Variants in ABRAXAS2 observed in about 807,000 individuals in gnomAD.
ABRAXAS2 encodes abraxas 2, BRISC complex subunit.
In ABRAXAS2, 23 loss-of-function variants were observed where a neutral mutation model predicts 49.0. That is an observed-to-expected ratio of 0.47 (90% CI 0.34 to 0.66). ABRAXAS2 has a LOEUF of 0.66. Ranked by LOEUF, ABRAXAS2 falls within the 30% of genes least tolerant of loss-of-function variation. ABRAXAS2 has a pLI of 0.01. For missense variants in ABRAXAS2, 443 were observed against 511.9 expected (o/e 0.87, Z 1.30); for synonymous variants, 168 against 180.2 (o/e 0.93, Z 0.54).
intron 2 of ABRAXAS2, among the ~76,000 whole-genome samples, chr10:124,810,907 C>T (rs553483264): frequency 1.3e-5 from 2 of 149,670 alleles, no homozygotes; most frequent in Non-Finnish European, 3.0e-5. Context: ...TTTTTCTTTT[C>T]GTTTTGCTTA....
At chr10:124,803,700 A>G (rs1370109384) in intron 1 of ABRAXAS2, among the ~76,000 whole-genome samples, 2 of 152,156 alleles carry the variant, frequency 1.3e-5, no homozygotes, top group Admixed American at 1.3e-4. Context: ...TCAGGAGTTC[A>G]AGACCAGCCT....
chr10:124,824,343 C>G (rs1376733987), intron 4 of ABRAXAS2, among the ~76,000 whole-genome samples: 2 of 152,138 alleles, frequency 1.3e-5, no homozygotes, highest in African/African-American at 4.8e-5. Context: ...CGAGACCAGC[C>G]TGGCCAACAT....
chr10:124,834,927 C>T lies in ABRAXAS2; in HGVS notation c.1204C>T (p.His402Tyr), dbSNP rs1282479283. 9 of 1,613,658 alleles carry T rather than the reference C, an allele frequency of 5.6e-6. No homozygotes were observed. The highest frequency in any genetic ancestry group is 1.3e-5 in the African/African-American group (1 of 74,924). Reference sequence around the variant, plus strand: ...TTCAAAGGATTCTCGACCCATGGCACATCCCGACGAGGACCCCAGGAACAC... The same window carrying T: ...TTCAAAGGATTCTCGACCCATGGCATATCCCGACGAGGACCCCAGGAACAC... ...SHSKDSRPMA[H>Y]PDEDPRNTQT... Residue 402 changes from histidine to tyrosine, a missense_variant, in exon 9 of 9, where the codon CAT becomes TAT. This residue lies in a region of ABRAXAS2 where 230 missense variants were observed against 237.0 expected (regional missense o/e 0.97). Transcript: ENST00000298492.
At chr10:124,809,492 G>T (rs1950770909) in intron 2 of ABRAXAS2, among the ~76,000 whole-genome samples, 1 of 151,436 alleles carries the variant, frequency 6.6e-6, no homozygotes, top group African/African-American at 2.4e-5. Context: ...CTCCATGTTG[G>T]TCGGGCTAGT....
chr10:124,802,335 G>A (rs962431452), intron 1 of ABRAXAS2, among the ~76,000 whole-genome samples: 2 of 152,248 alleles, frequency 1.3e-5, no homozygotes, highest in African/African-American at 4.8e-5. Context: ...CGGTCTCGCA[G>A]GTTGTCGTGG....
rs763496751 is a variant in ABRAXAS2 at position 124,835,212 on chromosome 10, A to T, written c.*241A>T. On this transcript the variant is annotated 3_prime_UTR_variant, in exon 9 of 9. Coordinates refer to ENST00000298492, the MANE Select transcript of ABRAXAS2 (RefSeq NM_032182.4). ...AATTGTCCTAATTCTGGTGCGATTC[A>T]TGGATATACTGGTAAATTTAGGCAA... 8.0e-6 allele frequency: 3 copies of T among 374,656 alleles called. No homozygotes were observed. The highest frequency in any genetic ancestry group is 4.3e-5 in the East Asian group (1 of 23,200). 23.2% of individuals were successfully genotyped at this position (374,656 alleles called of 1,614,324 possible).
intron 1 of ABRAXAS2, among the ~76,000 whole-genome samples, chr10:124,804,724 T>G (rs1416914553): frequency 6.7e-6 from 1 of 149,380 alleles, no homozygotes; most frequent in Non-Finnish European, 1.5e-5. Flanking sequence ...TTTCTTTTTT[T>G]TTTTTTTGAG....
chr10:124,810,913 G>T (rs1037281438), intron 2 of ABRAXAS2, among the ~76,000 whole-genome samples: 1 of 149,256 alleles, frequency 6.7e-6, no homozygotes, highest in Non-Finnish European at 1.5e-5. Context: ...TTTTCGTTTT[G>T]CTTAATTCTT....
chr10:124,811,762 A>C (rs553057663), intron 2 of ABRAXAS2, among the ~76,000 whole-genome samples: 1 of 151,900 alleles, frequency 6.6e-6, no homozygotes, highest in Non-Finnish European at 1.5e-5. Context: ...ATAATAAAAC[A>C]TAATTAATTT....
At chr10:124,818,398 C>CAAAAA (rs754223417) in intron 3 of ABRAXAS2, among the ~76,000 whole-genome samples, 1 of 59,784 alleles carries the variant, frequency 1.7e-5, no homozygotes. Flanking sequence ...TCCATCTCAA[C>CAAAAA]AAAAAAAAAA....
intron 2 of ABRAXAS2, among the ~76,000 whole-genome samples, chr10:124,807,482 G>A (rs1467681052): frequency 1.4e-5 from 2 of 147,188 alleles, no homozygotes; most frequent in East Asian, 2.1e-4. Context: ...GTGAAACCCC[G>A]TCTCTACTAA....
intron 4 of ABRAXAS2, among the ~76,000 whole-genome samples, chr10:124,820,636 C>G (rs1950856389): frequency 6.6e-6 from 1 of 152,010 alleles, no homozygotes; most frequent in South Asian, 2.1e-4. Context: ...GGTGCACCAC[C>G]ACACCTGGCT....
chr10:124,806,175 G>A (rs530531869), intron 1 of ABRAXAS2, among the ~76,000 whole-genome samples: 10 of 152,046 alleles, frequency 6.6e-5, no homozygotes, highest in Non-Finnish European at 1.2e-4. Context: ...GCATGGTGGC[G>A]GGTGCCTGTA....
chr10:124,833,650 G>A (rs1950949147), intron 8 of ABRAXAS2, among the ~76,000 whole-genome samples: 1 of 152,196 alleles, frequency 6.6e-6, no homozygotes, highest in South Asian at 2.1e-4. Flanking sequence ...TTGCTTGAAA[G>A]CCTGTGCCCT....
At chr10:124,827,433 C>T (rs1950904095) in intron 5 of ABRAXAS2, among the ~76,000 whole-genome samples, 1 of 152,012 alleles carries the variant, frequency 6.6e-6, no homozygotes, top group Non-Finnish European at 1.5e-5. Flanking sequence ...AAACTTTATG[C>T]ATCTTTAAAT....
chr10:124,808,907 G>T (rs1483846175), intron 2 of ABRAXAS2, among the ~76,000 whole-genome samples: 1 of 152,134 alleles, frequency 6.6e-6, no homozygotes, highest in African/African-American at 2.4e-5. Flanking sequence ...AAGTTGGGCG[G>T]ATCGCCCGAG....
At position 124,826,647 on chromosome 10, in the gene ABRAXAS2, A is replaced by T. The variant is rs762025348; in HGVS notation, c.320A>T (p.Tyr107Phe). ...FRRNTQQQMS[Y>F]REQVLHKQLT... is the part of the protein sequence containing the mutation. ...CGCAATACGCAGCAGCAGATGTCCT[A>T]CAGAGAGCAGGTTCTTCACAAGCAG... Residue 107 changes from tyrosine (Y) to phenylalanine (F), a missense_variant, in exon 5 of 9, where the codon TAC becomes TTC. Around this residue, in one of 3 missense-constraint regions of ABRAXAS2, gnomAD observed 166 missense variants for 247.3 expected, o/e 0.67. Transcript: ENST00000298492. The T allele has an allele frequency of 1.5e-5, 25 of 1,614,084 alleles. No individual in the cohort carries two copies. Among genetic ancestry groups the T allele is most frequent in the Non-Finnish European group, 2.0e-5 (24 of 1,180,044 alleles).
chr10:124,805,360 GTC>G (rs1193624106), intron 1 of ABRAXAS2, among the ~76,000 whole-genome samples: 2 of 150,658 alleles, frequency 1.3e-5, no homozygotes, highest in Admixed American at 6.6e-5. Flanking sequence ...AAAAAAAAGT[GTC>G]TGTCTTTCCC....
intron 2 of ABRAXAS2, among the ~76,000 whole-genome samples, chr10:124,812,764 G>T (rs1421759982): frequency 6.6e-6 from 1 of 152,192 alleles, no homozygotes; most frequent in Non-Finnish European, 1.5e-5. Context: ...TGTATAAAGA[G>T]ATTTTCTGGC....
Sources: gnomAD v4.1 joint callset for allele counts (sites outside exome capture counted in the v4.1 genomes callset) on GRCh38, gnomAD v4.1.1 for gene constraint, gnomAD v4.1.1 regional missense constraint, MANE v1.5 for transcripts, NCBI Gene and HGNC (gene_info 2026-07-23, HGNC 2026-07-21) for gene names.